The following PARD3 variants were observed in gnomAD, a reference collection of about 807,000 sequenced individuals.
PARD3 encodes the protein partitioning defective 3 homolog.
A neutral mutation model predicts 155.4 loss-of-function variants in PARD3; 75 were observed. That is an observed-to-expected ratio of 0.48 (90% CI 0.40 to 0.58). The LOEUF (loss-of-function observed/expected upper bound fraction) is 0.58. Among genes scored for constraint, PARD3 ranks in the 20% least tolerant of loss-of-function variants. The probability of loss-of-function intolerance (pLI) is 0.00; values close to 1 mark genes in which losing one functional copy is unlikely to be tolerated. For synonymous variants in PARD3, 576 were observed against 610.5 expected (o/e 0.94, Z 0.83); for missense variants, 1,642 against 1,721.7 (o/e 0.95, Z 0.82).
Position 34,110,919 on chromosome 10 carries a change from A to G in PARD3, c.*250T>C. 2.7e-6 allele frequency: 1 copy of G among 367,456 alleles called. No homozygotes were observed. Among genetic ancestry groups the G allele is most frequent in the Admixed American group, 4.2e-5 (1 of 23,890 alleles). 22.8% of individuals were successfully genotyped at this position (367,456 alleles called of 1,614,324 possible). ...GATTCCTGGTACTGTGGAGAGGCGC[A>G]GAGCATATGAACACCTCAAACAGAT... On this transcript the variant is annotated 3_prime_UTR_variant, in exon 25 of 25. Transcript: ENST00000374788.
chr10:34,245,591 A>AAAACT (rs1280240125), intron 22 of PARD3, among the ~76,000 whole-genome samples: 13 of 151,834 alleles, frequency 8.6e-5, no homozygotes, highest in African/African-American at 3.1e-4. Context: ...AAAACAAAAC[A>AAAACT]AAACAAAACA....
At chr10:34,697,931 A>G (rs924261655) in intron 1 of PARD3, among the ~76,000 whole-genome samples, 5 of 152,038 alleles carry the variant, frequency 3.3e-5, no homozygotes, top group African/African-American at 9.7e-5. Context: ...TGAGTCCCCA[A>G]AGAATGAAGT....
At chr10:34,680,012 A>G (rs1433628662) in intron 2 of PARD3, among the ~76,000 whole-genome samples, 4 of 152,180 alleles carry the variant, frequency 2.6e-5, no homozygotes, top group Non-Finnish European at 4.4e-5. Flanking sequence ...TGGATGCACT[A>G]AAAGCCCAGA....
chr10:34,214,844 A>T (rs1951924942), intron 22 of PARD3, among the ~76,000 whole-genome samples: 1 of 152,172 alleles, frequency 6.6e-6, no homozygotes, highest in South Asian at 2.1e-4. Flanking sequence ...AAAGACTATG[A>T]GAGGAATTCT....
chr10:34,769,621 A>G (rs1838578237), intron 1 of PARD3, among the ~76,000 whole-genome samples: 1 of 151,812 alleles, frequency 6.6e-6, no homozygotes, highest in Non-Finnish European at 1.5e-5. Flanking sequence ...CCTGGCACAT[A>G]GTGGCACGTT....
At chr10:34,286,356 G>T (rs1191451613) in intron 20 of PARD3, among the ~76,000 whole-genome samples, 1 of 151,424 alleles carries the variant, frequency 6.6e-6, no homozygotes, top group African/African-American at 2.4e-5. Flanking sequence ...TTATACTCAG[G>T]TAACGAATTA....
In PARD3 at chr10:34,245,576, G is replaced by GAAACAAAACAAAACA. The variant is rs5784403; in HGVS notation, c.3419+24066_3419+24080dup. 8.1e-3 allele frequency among the ~76,000 whole-genome samples: 1,203 copies of GAAACAAAACAAAACA among 148,248 alleles called. 13 individuals are homozygous for GAAACAAAACAAAACA. Among genetic ancestry groups the GAAACAAAACAAAACA allele is most frequent in the African/African-American group, 0.026 (1,022 of 40,022 alleles). ...GCCAGACAAGGGGTAATACATCCCT[G>GAAACAAAACAAAACA]AAACAAAACAAAACAAAACAAAACA... On this transcript the variant is annotated intron_variant, in intron 22 of 24. Transcript: ENST00000374788.
intron 22 of PARD3, among the ~76,000 whole-genome samples, chr10:34,256,005 G>A (rs1410265039): frequency 1.3e-5 from 2 of 152,088 alleles, no homozygotes; most frequent in Non-Finnish European, 2.9e-5. Context: ...CAAAATGTAA[G>A]CAAATCTGAT....
chr10:34,605,594 ATATATATATATCTCC>A (rs1416203931), intron 2 of PARD3, among the ~76,000 whole-genome samples: 5 of 76,534 alleles, frequency 6.5e-5, no homozygotes, highest in Non-Finnish European at 1.1e-4. Flanking sequence ...TATATCTCCT[ATATATATATATCTCC>A]TATATATATA....
chr10:34,751,898 T>G (rs1836085949), intron 1 of PARD3, among the ~76,000 whole-genome samples: 1 of 151,600 alleles, frequency 6.6e-6, no homozygotes, highest in East Asian at 2.0e-4. Flanking sequence ...CTGGGCCACC[T>G]CACCTTAACC....
intron 2 of PARD3, among the ~76,000 whole-genome samples, chr10:34,594,060 C>T (rs1037900436): frequency 1.3e-5 from 2 of 152,154 alleles, no homozygotes; most frequent in Non-Finnish European, 2.9e-5. Context: ...TTACAGCCTA[C>T]AATTATGACT....
At chr10:34,681,730 T>TATATATATATA (rs2093826746) in intron 2 of PARD3, among the ~76,000 whole-genome samples, 3 of 29,976 alleles carry the variant, frequency 1.0e-4, no homozygotes, top group African/African-American at 2.1e-4. Context: ...CGTATGTATT[T>TATATATATATA]TATATATATA....
At chr10:34,385,356 A>G (rs1038689275) in intron 7 of PARD3, among the ~76,000 whole-genome samples, 1 of 151,986 alleles carries the variant, frequency 6.6e-6, no homozygotes, top group Non-Finnish European at 1.5e-5. Flanking sequence ...GGCTGGTCTC[A>G]AACTCCTGAC....
intron 2 of PARD3, among the ~76,000 whole-genome samples, chr10:34,671,319 T>C (rs1590551781): frequency 6.6e-6 from 1 of 152,188 alleles, no homozygotes; most frequent in Non-Finnish European, 1.5e-5. Flanking sequence ...ATTCTAACGA[T>C]ATAAAATGTT....
At chr10:34,537,555 C>G (rs1320505211) in intron 2 of PARD3, among the ~76,000 whole-genome samples, 2 of 152,134 alleles carry the variant, frequency 1.3e-5, no homozygotes, top group African/African-American at 4.8e-5. Context: ...GTCCACACTT[C>G]CCACTAACAA....
At chr10:34,533,134 T>C (rs1277494852) in intron 2 of PARD3, among the ~76,000 whole-genome samples, 3 of 152,358 alleles carry the variant, frequency 2.0e-5, no homozygotes, top group East Asian at 1.9e-4. Context: ...ACCATCATCC[T>C]ATATGCAATG....
chr10:34,125,940 A>C (rs117291128), intron 23 of PARD3, among the ~76,000 whole-genome samples: 1 of 152,214 alleles, frequency 6.6e-6, no homozygotes, highest in Non-Finnish European at 1.5e-5. Flanking sequence ...TTTTTACGGC[A>C]TACTGTACTT....
intron 1 of PARD3, among the ~76,000 whole-genome samples, chr10:34,701,338 G>GTTGT (rs2094274049): frequency 7.3e-6 from 1 of 136,984 alleles, no homozygotes. Flanking sequence ...CGGGGATGTT[G>GTTGT]TTGTTGTTGT....
At chr10:34,789,322 G>T (rs781223604) in intron 1 of PARD3, among the ~76,000 whole-genome samples, 3 of 152,286 alleles carry the variant, frequency 2.0e-5, no homozygotes. Context: ...AAATTTTTGC[G>T]AGACATGGGA....
Sources: gnomAD v4.1 joint callset for allele counts (sites outside exome capture counted in the v4.1 genomes callset) on GRCh38, gnomAD v4.1.1 for gene constraint, MANE v1.5 for transcripts, NCBI Gene and HGNC (gene_info 2026-07-23, HGNC 2026-07-21) for gene names.